The following PHF6 variants were observed in gnomAD, a reference collection of about 807,000 sequenced individuals.
PHF6 encodes the protein PHD finger protein 6, also known as PHD-like zinc finger protein.
In PHF6, 7 loss-of-function variants were observed where a neutral mutation model predicts 34.0. The observed-to-expected ratio is 0.21, with a 90% CI of 0.12 to 0.39. PHF6 has a LOEUF of 0.39. Ranked by LOEUF, PHF6 falls within the 10% of genes least tolerant of loss-of-function variation. The pLI, the probability that PHF6 is intolerant of heterozygous loss-of-function variation, is 1.00. For synonymous variants in PHF6, 89 were observed against 88.4 expected, an observed-to-expected ratio of 1.01 and a Z score of -0.04; for missense variants, 128 against 262.8, an observed-to-expected ratio of 0.49 and a Z score of 3.55.
At chrX:134,424,940 G>A (rs1249231291) in intron 9 of PHF6, among the ~76,000 whole-genome samples, 1 of 111,769 alleles carries the variant, frequency 8.9e-6, no homozygotes, top group African/African-American at 3.3e-5. Flanking sequence ...ATCTCATTGG[G>A]CAAAATGAGG....
intron 3 of PHF6, among the ~76,000 whole-genome samples, chrX:134,391,734 T>TA (rs2077355328): frequency 8.9e-6 from 1 of 112,045 alleles, no homozygotes; most frequent in African/African-American, 3.2e-5. Context: ...TGTGTAGAAT[T>TA]ACGTTTCACT....
At chrX:134,392,514 C>T (rs2077359219) in intron 3 of PHF6, among the ~76,000 whole-genome samples, 1 of 111,832 alleles carries the variant, frequency 8.9e-6, no homozygotes, top group Non-Finnish European at 1.9e-5. Context: ...CCATTAAATT[C>T]AAAAGGTAAG....
intron 5 of PHF6, among the ~76,000 whole-genome samples, chrX:134,399,997 T>G (rs754811012): frequency 3.6e-5 from 4 of 112,108 alleles, no homozygotes; most frequent in Admixed American, 9.5e-5. Flanking sequence ...CTCCATAGCT[T>G]TGCCTTTTCC....
intron 3 of PHF6, among the ~76,000 whole-genome samples, chrX:134,381,771 G>A (rs1416645747): frequency 1.8e-5 from 2 of 111,070 alleles, no homozygotes; most frequent in Non-Finnish European, 3.8e-5. Flanking sequence ...GATTACAGGC[G>A]TGCACCACCA....
At chrX:134,415,282 T>C in intron 8 of PHF6, 162 bp downstream of exon 8, 1 of 882,459 alleles carries the variant, frequency 1.1e-6, no homozygotes, top group Non-Finnish European at 1.6e-6. Context: ...AGGATGCTGA[T>C]GTTACTGAAA....
At chrX:134,377,832 TA>T (rs367819775) in intron 2 of PHF6, 77 bp downstream of exon 2, 11,659 of 755,571 alleles carry the variant, frequency 0.015, no homozygotes, top group Non-Finnish European at 0.017. Flanking sequence ...TCCTGAATAC[TA>T]AAAAAAAAAA....
At chrX:134,405,048 A>C (rs2077417157) in intron 5 of PHF6, among the ~76,000 whole-genome samples, 1 of 111,569 alleles carries the variant, frequency 9.0e-6, no homozygotes, top group African/African-American at 3.3e-5. Context: ...ACTGTGTTCT[A>C]TATCATTATT....
chrX:134,408,547 G>A (rs1353206433), intron 5 of PHF6, among the ~76,000 whole-genome samples: 4 of 108,090 alleles, frequency 3.7e-5, no homozygotes, highest in Non-Finnish European at 1.9e-5. Flanking sequence ...CATTATCACT[G>A]GTGAGGTTGG....
chrX:134,406,701 G>C (rs138832218), intron 5 of PHF6, among the ~76,000 whole-genome samples: 1 of 112,118 alleles, frequency 8.9e-6, no homozygotes, highest in African/African-American at 3.2e-5. Flanking sequence ...AAGAGGCTGG[G>C]AATGTTTGGT....
chrX:134,421,269 G>T (rs2124257338), intron 9 of PHF6, among the ~76,000 whole-genome samples: 1 of 110,178 alleles, frequency 9.1e-6, no homozygotes, highest in East Asian at 2.9e-4. Context: ...ATATGTGTGT[G>T]TAGGTCTCCT....
In PHF6 at chrX:134,375,624, G is replaced by A. The variant is rs183417467; in HGVS notation, c.-46-1948G>A. 2.3e-4 allele frequency among the ~76,000 whole-genome samples: 26 copies of A among 111,839 alleles called. No individual in the cohort carries two copies. The East Asian group carries it at 7.3e-3, about 31-fold the overall frequency. ...TTATACTGTGCCATCCTTTCAACTG[G>A]CCAGGATGACCGGGAGTAATGCTGA... On this transcript the variant is annotated intron_variant, in intron 1 of 10. Transcript: ENST00000370803.
chrX:134,384,904 G>A (rs1017052593), intron 3 of PHF6, among the ~76,000 whole-genome samples: 50 of 111,216 alleles, frequency 4.5e-4, no homozygotes, highest in Non-Finnish European at 7.7e-4. Flanking sequence ...GCCCGCCTTG[G>A]CCTCCCAAAG....
chrX:134,427,914 A>G lies in PHF6; in HGVS notation c.*2254A>G, dbSNP rs948155914. ...GTAGCATCATCATCTTCTGGGTAGT[A>G]ATTACATTGTGGTATTAATATTTAG... On this transcript the variant is annotated 3_prime_UTR_variant, in exon 11 of 11. Coordinates refer to ENST00000370803, the MANE Select transcript of PHF6 (RefSeq NM_001015877.2). 1.3e-5 allele frequency: 2 copies of G among 154,515 alleles called. No homozygotes were observed. Among genetic ancestry groups the G allele is most frequent in the African/African-American group, 6.1e-5 (2 of 32,759 alleles). 12.7% of individuals were successfully genotyped at this position (154,515 alleles called of 1,213,427 possible).
At chrX:134,416,117 G>T (rs745706634) in intron 8 of PHF6, among the ~76,000 whole-genome samples, 1 of 109,048 alleles carries the variant, frequency 9.2e-6, no homozygotes, top group African/African-American at 3.3e-5. Flanking sequence ...GCACCAACAC[G>T]CCTGGATAAT....
chrX:134,410,970 T>G (rs1327227072), intron 5 of PHF6, among the ~76,000 whole-genome samples: 1 of 106,585 alleles, frequency 9.4e-6, no homozygotes, highest in Non-Finnish European at 1.9e-5. Flanking sequence ...TTTTTTTTTT[T>G]GAGATGGAGT....
intron 3 of PHF6, among the ~76,000 whole-genome samples, chrX:134,380,975 T>C (rs1307195039): frequency 9.0e-6 from 1 of 111,427 alleles, no homozygotes; most frequent in East Asian, 2.8e-4. Flanking sequence ...GCCTCCCGAG[T>C]AGCTGGGACT....
intron 5 of PHF6, among the ~76,000 whole-genome samples, chrX:134,399,516 T>G (rs769049872): frequency 9.0e-6 from 1 of 111,279 alleles, no homozygotes; most frequent in East Asian, 2.8e-4. Context: ...GGGCAGGGAA[T>G]AGTTAGAAGG....
intron 1 of PHF6, among the ~76,000 whole-genome samples, chrX:134,374,361 A>G (rs2077269735): frequency 8.9e-6 from 1 of 112,229 alleles, no homozygotes; most frequent in Non-Finnish European, 1.9e-5. Context: ...CAACTGGAAA[A>G]TTCCTTTAGT....
chrX:134,399,470 A>G (rs763459827), intron 5 of PHF6, among the ~76,000 whole-genome samples: 1 of 111,561 alleles, frequency 9.0e-6, no homozygotes, highest in East Asian at 2.8e-4. Context: ...GTTAATAGTA[A>G]CACGGGTAAG....
Sources: gnomAD v4.1 joint callset for allele counts (sites outside exome capture counted in the v4.1 genomes callset) on GRCh38, gnomAD v4.1.1 for gene constraint, MANE v1.5 for transcripts, NCBI Gene and HGNC (gene_info 2026-07-23, HGNC 2026-07-21) for gene names.